RFX3: variants seen among roughly 807,000 people sequenced by gnomAD.
RFX3 encodes the protein transcription factor RFX3.
RFX3 carries 14 observed loss-of-function variants against 98.6 expected under a neutral mutation model. The observed-to-expected ratio is 0.14, with a 90% CI of 0.09 to 0.22. The LOEUF is 0.22. RFX3 is among the 10% of genes least tolerant of loss of function. The pLI, the probability that RFX3 is intolerant of heterozygous loss-of-function variation, is 1.00. For missense variants in RFX3, 639 were observed against 926.9 expected, an observed-to-expected ratio of 0.69 and a Z score of 4.03; for synonymous variants, 383 against 328.4, an observed-to-expected ratio of 1.17 and a Z score of -1.80.
chr9:3,423,317 G>A (rs183054411), intron 1 of RFX3, among the ~76,000 whole-genome samples: 1 of 152,222 alleles, frequency 6.6e-6, no homozygotes, highest in East Asian at 1.9e-4. Flanking sequence ...GAAGACATTT[G>A]TCTAAACAAA....
Position 3,330,276 on chromosome 9 carries a change from G to C in RFX3, c.457C>G (p.Arg153Gly), listed in dbSNP as rs1174211651. 1 of 1,613,946 alleles carries C rather than the reference G, an allele frequency of 6.2e-7. No homozygotes were observed. Among genetic ancestry groups the C allele is most frequent in the African/African-American group, 1.3e-5 (1 of 74,920 alleles). Residue 153 changes from arginine to glycine, a missense_variant, in exon 4 of 17, where the codon CGG becomes GGG. Coordinates refer to ENST00000617270, the MANE Select transcript of RFX3 (RefSeq NM_001282116.2). ...NSGHSVTHTT[R>G]ASPATIEMAI... ...ATACTTACTGTCGCTGGGGAGGCCC[G>C]AGTTGTGTGTGTCACTGAGTGACCA...
intron 3 of RFX3, among the ~76,000 whole-genome samples, chr9:3,339,128 TA>T (rs890754377): frequency 1.9e-4 from 29 of 149,260 alleles, no homozygotes; most frequent in South Asian, 1.7e-3. Context: ...TACTTGAGTT[TA>T]AAAAAAAAAC....
At chr9:3,434,721 A>AG (rs1844965236) in intron 1 of RFX3, among the ~76,000 whole-genome samples, 1 of 152,062 alleles carries the variant, frequency 6.6e-6, no homozygotes, top group Non-Finnish European at 1.5e-5. Context: ...CCAGTTCTCT[A>AG]GCTCAGCCAT....
chr9:3,254,223 A>C (rs1234347280), intron 14 of RFX3, among the ~76,000 whole-genome samples: 1 of 151,670 alleles, frequency 6.6e-6, no homozygotes, highest in Non-Finnish European at 1.5e-5. Context: ...ATCTCTGTGG[A>C]GATGAAGGCT....
At chr9:3,399,273 T>TA (rs35058002) in intron 1 of RFX3, among the ~76,000 whole-genome samples, 6,003 of 118,260 alleles carry the variant, frequency 0.051, 470 homozygotes, top group African/African-American at 0.17. Context: ...TGTCTCTGCT[T>TA]AAAAAAAAAA....
intron 1 of RFX3, among the ~76,000 whole-genome samples, chr9:3,396,375 A>G (rs527784658): frequency 2.1e-4 from 32 of 151,934 alleles, no homozygotes; most frequent in Non-Finnish European, 2.9e-5. Context: ...TTAACTCATC[A>G]TTTTTTATGG....
Position 3,220,422 on chromosome 9 carries a change from T to C in RFX3, c.*4620A>G, listed in dbSNP as rs1231212247. The C allele has an allele frequency of 2.0e-5, 3 of 152,170 alleles. No individual in the cohort carries two copies. Among genetic ancestry groups the C allele is most frequent in the Non-Finnish European group, 2.9e-5 (2 of 68,026 alleles). 9.4% of individuals were successfully genotyped at this position (152,170 alleles called of 1,614,324 possible). ...GGTACCTTCAATGTGCAGAAATCAG[T>C]TATGACATAGGTCTATCCAGGCCCA... On this transcript the variant is annotated 3_prime_UTR_variant, in exon 17 of 17. Coordinates refer to ENST00000617270, the MANE Select transcript of RFX3 (RefSeq NM_001282116.2).
intron 6 of RFX3, 138 bp from the exon 7 acceptor site, chr9:3,288,388 G>T: frequency 1.5e-6 from 1 of 648,766 alleles, no homozygotes; most frequent in Non-Finnish European, 2.6e-6. Flanking sequence ...TGATTAACCT[G>T]TTCTGAATAC....
intron 2 of RFX3, among the ~76,000 whole-genome samples, chr9:3,353,254 G>A (rs928305794): frequency 1.3e-5 from 2 of 151,288 alleles, no homozygotes; most frequent in African/African-American, 2.4e-5. Context: ...GCTAAATGAC[G>A]AGTTAATGGG....
Position 3,475,061 on chromosome 9 carries a change from T to A in RFX3, c.-9+50686A>T, listed in dbSNP as rs139508722. Among the ~76,000 whole-genome samples, 254 of 144,958 alleles carry A rather than the reference T, an allele frequency of 1.8e-3. 1 individual carries two copies. The highest frequency in any genetic ancestry group is 2.6e-3 in the Non-Finnish European group (176 of 67,164). ...CTGCAGTGAGCTATAATTGTGCCAC[T>A]GCACTAACAGCCTGGGCAACAGAGC... On this transcript the variant is annotated intron_variant, in intron 1 of 16. Coordinates refer to ENST00000617270, the MANE Select transcript of RFX3 (RefSeq NM_001282116.2).
At chr9:3,277,025 T>A (rs1267377867) in intron 8 of RFX3, among the ~76,000 whole-genome samples, 1 of 152,032 alleles carries the variant, frequency 6.6e-6, no homozygotes, top group Non-Finnish European at 1.5e-5. Flanking sequence ...GCACTTGAAG[T>A]TACTACTGAA....
intron 1 of RFX3, among the ~76,000 whole-genome samples, chr9:3,454,036 T>C (rs1461530610): frequency 6.6e-6 from 1 of 152,180 alleles, no homozygotes; most frequent in Non-Finnish European, 1.5e-5. Context: ...ATATTAGCTG[T>C]TTAAATGGAT....
intron 15 of RFX3, among the ~76,000 whole-genome samples, chr9:3,237,576 A>G (rs1031432912): frequency 6.6e-5 from 10 of 152,202 alleles, no homozygotes; most frequent in Non-Finnish European, 1.0e-4. Context: ...ATATTTATGG[A>G]AAGGGGAAGG....
chr9:3,411,027 CTTG>C (rs1198513833), intron 1 of RFX3, among the ~76,000 whole-genome samples: 1 of 152,104 alleles, frequency 6.6e-6, no homozygotes, highest in African/African-American at 2.4e-5. Context: ...AAATGATATT[CTTG>C]TTGTACCATA....
At chr9:3,342,604 AT>A (rs1834012525) in intron 3 of RFX3, among the ~76,000 whole-genome samples, 1 of 152,144 alleles carries the variant, frequency 6.6e-6, no homozygotes, top group Non-Finnish European at 1.5e-5. Flanking sequence ...GACTAGCATG[AT>A]GTAGGAGCGA....
chr9:3,351,689 G>A (rs977908423), intron 2 of RFX3, among the ~76,000 whole-genome samples: 29 of 151,632 alleles, frequency 1.9e-4, no homozygotes, highest in African/African-American at 6.8e-4. Context: ...ATAGATGAAC[G>A]ATAAATGTAA....
Position 3,380,396 on chromosome 9 carries a change from T to A in RFX3, c.117+15076A>T, listed in dbSNP as rs541337982. On this transcript the variant is annotated intron_variant, in intron 2 of 16. Coordinates refer to ENST00000617270, the MANE Select transcript of RFX3 (RefSeq NM_001282116.2). The stretch of plus-strand genomic sequence containing the variant: ...ACCTCAGACATTACCATTCTTTATG[T>A]CATCTTCTGTTTACCTACCAGTCTC... Among the ~76,000 whole-genome samples, 28 of 152,302 alleles carry A rather than the reference T, an allele frequency of 1.8e-4. No individual in the cohort carries two copies. In the South Asian group the frequency reaches 5.6e-3, roughly 30 times the overall value.
At chr9:3,292,100 A>AAAAAAAAAAAAAAAAC (rs1827457239) in intron 6 of RFX3, among the ~76,000 whole-genome samples, 1 of 120,216 alleles carries the variant, frequency 8.3e-6, no homozygotes, top group African/African-American at 3.1e-5. Context: ...AAAAAAAAAA[A>AAAAAAAAAAAAAAAAC]CTCTTTACGA....
chr9:3,408,453 T>C (rs140725236), intron 1 of RFX3, among the ~76,000 whole-genome samples: 1 of 152,234 alleles, frequency 6.6e-6, no homozygotes, highest in East Asian at 1.9e-4. Flanking sequence ...AGTCAAATGC[T>C]TATATAGAAC....
Sources: gnomAD v4.1 joint callset for allele counts (sites outside exome capture counted in the v4.1 genomes callset) on GRCh38, gnomAD v4.1.1 for gene constraint, MANE v1.5 for transcripts, NCBI Gene and HGNC (gene_info 2026-07-23, HGNC 2026-07-21) for gene names.